The following SSPN variants were observed in gnomAD, a reference collection of about 807,000 sequenced individuals.
SSPN encodes the protein sarcospan.
In SSPN, 15 loss-of-function variants were observed where a neutral mutation model predicts 19.1. The ratio of observed to expected loss-of-function variants is 0.78; its 90% CI spans 0.52 to 1.21. The LOEUF (loss-of-function observed/expected upper bound fraction) is 1.21. Among genes scored for constraint, SSPN ranks in the 50% most tolerant of loss-of-function variants. The pLI, the probability that SSPN is intolerant of heterozygous loss-of-function variation, is 0.00. For synonymous variants in SSPN, 147 were observed against 140.3 expected, an observed-to-expected ratio of 1.05 and a Z score of -0.34; for missense variants, 291 against 314.0, an observed-to-expected ratio of 0.93 and a Z score of 0.55.
At chr12:26,209,382 A>T (rs1591883060) in intron 1 of SSPN, among the ~76,000 whole-genome samples, 2 of 152,184 alleles carry the variant, frequency 1.3e-5, no homozygotes, top group South Asian at 4.1e-4. Flanking sequence ...TCAATTTTAA[A>T]ATTAAGTTTG....
intron 1 of SSPN, among the ~76,000 whole-genome samples, chr12:26,215,470 T>A (rs1945037844): frequency 6.6e-6 from 1 of 152,202 alleles, no homozygotes; most frequent in African/African-American, 2.4e-5. Context: ...AGAAGCATGC[T>A]GGAGCATTGC....
intron 1 of SSPN, chr12:26,124,998 C>A: frequency 1.6e-6 from 1 of 635,434 alleles, no homozygotes; most frequent in Non-Finnish European, 2.9e-6. Context: ...GCGCCGGCCC[C>A]ACTGCGCTGG....
chr12:26,215,313 A>G (rs1001228232), intron 1 of SSPN, among the ~76,000 whole-genome samples: 1 of 152,210 alleles, frequency 6.6e-6, no homozygotes, highest in Admixed American at 6.5e-5. Flanking sequence ...CTGTATCTTT[A>G]TACAGATTCT....
At chr12:26,122,760 C>G (rs747145811) in intron 1 of SSPN, 1 of 1,593,666 alleles carries the variant, frequency 6.3e-7, no homozygotes, top group Non-Finnish European at 8.5e-7. Context: ...GCCTTTCTCG[C>G]GGTCCGGCCG....
chr12:26,198,165 T>G (rs1408838506), intron 1 of SSPN, among the ~76,000 whole-genome samples: 1 of 147,100 alleles, frequency 6.8e-6, no homozygotes, highest in East Asian at 2.0e-4. Context: ...ACTTTGAGTT[T>G]TGGGGGGGGG....
intron 1 of SSPN, among the ~76,000 whole-genome samples, chr12:26,165,820 G>A (rs774994323): frequency 2.6e-5 from 4 of 152,218 alleles, no homozygotes; most frequent in Non-Finnish European, 4.4e-5. Context: ...GAAGGTGGCA[G>A]CTGGCCAGTT....
intron 1 of SSPN, among the ~76,000 whole-genome samples, chr12:26,139,876 C>T (rs1005992654): frequency 6.6e-6 from 1 of 152,152 alleles, no homozygotes; most frequent in African/African-American, 2.4e-5. Flanking sequence ...TCAGCAATTT[C>T]TGAAGCGGAC....
rs953547520 is a variant in SSPN, at chr12:26,231,415, T to G, written c.*339T>G. 8.7e-5 allele frequency: 18 copies of G among 206,930 alleles called. No homozygotes were observed. The South Asian group carries it at 1.6e-3, about 19-fold the overall frequency. 12.8% of individuals were successfully genotyped at this position (206,930 alleles called of 1,614,324 possible). ...CCATTCCTTACATAATCTTCTTTCC[T>G]GTTAGTCCAGTTTGATGGTGTGAAT... is the stretch of plus-strand genomic sequence containing the variant. On this transcript the variant is annotated 3_prime_UTR_variant, in exon 3 of 3. Coordinates refer to ENST00000242729, the MANE Select transcript of SSPN (RefSeq NM_005086.5).
chr12:26,228,805 A>G (rs1230694804), intron 2 of SSPN, among the ~76,000 whole-genome samples: 2 of 152,300 alleles, frequency 1.3e-5, no homozygotes, highest in South Asian at 2.1e-4. Context: ...AAATAAATCC[A>G]TATTTTTAGG....
chr12:26,199,081 G>C (rs761285925), intron 1 of SSPN, among the ~76,000 whole-genome samples: 4 of 152,136 alleles, frequency 2.6e-5, no homozygotes, highest in Non-Finnish European at 5.9e-5. Flanking sequence ...TCATTTTACA[G>C]GGGCCACTAT....
intron 2 of SSPN, among the ~76,000 whole-genome samples, chr12:26,227,027 T>G (rs1945185098): frequency 6.6e-6 from 1 of 152,086 alleles, no homozygotes; most frequent in Admixed American, 6.5e-5. Flanking sequence ...GCCGGGCTGA[T>G]GGGCTGACAC....
Position 26,224,781 on chromosome 12 carries a change from G to A in SSPN, c.366+402G>A, listed in dbSNP as rs182400165. Among the ~76,000 whole-genome samples the A allele has an allele frequency of 1.5e-4, 22 of 143,404 alleles. No homozygotes were observed. In the East Asian group the frequency reaches 4.7e-3, roughly 31 times the overall value. 94.1% of individuals were successfully genotyped at this position (143,404 alleles called of 152,430 possible). On this transcript the variant is annotated intron_variant, in intron 2 of 2. Coordinates refer to ENST00000242729, the MANE Select transcript of SSPN (RefSeq NM_005086.5). ...TTCCTCTTGTAGGTGGGATCACTGA[G>A]ACAGAAAAAGTACATTGGGCGCATC...
chr12:26,123,822 G>A (rs544027075), intron 1 of SSPN: 2 of 907,888 alleles, frequency 2.2e-6, no homozygotes, highest in Admixed American at 3.4e-5. Flanking sequence ...ATTCAGCACA[G>A]CAATTTAAGC....
At chr12:26,170,032 C>T (rs142490704) in intron 1 of SSPN, among the ~76,000 whole-genome samples, 3 of 152,036 alleles carry the variant, frequency 2.0e-5, no homozygotes, top group African/African-American at 7.3e-5. Flanking sequence ...TTCTGAGCAC[C>T]AAGGATTCAA....
chr12:26,231,373 CTGT>C lies in SSPN; in HGVS notation c.*299_*301del. On this transcript the variant is annotated 3_prime_UTR_variant, in exon 3 of 3. Transcript: ENST00000242729. ...TATCTTTACAGTCTGGAGTTAATTC[CTGT>C]TAACTCATTTTATCCATTCCTTACA... 3.7e-6 allele frequency: 1 copy of C among 266,970 alleles called. No individual in the cohort carries two copies. Among genetic ancestry groups the C allele is most frequent in the South Asian group, 6.8e-5 (1 of 14,778 alleles). 16.5% of individuals were successfully genotyped at this position (266,970 alleles called of 1,614,324 possible).
intron 1 of SSPN, among the ~76,000 whole-genome samples, chr12:26,143,291 G>C (rs539975200): frequency 6.6e-6 from 1 of 152,334 alleles, no homozygotes; most frequent in South Asian, 2.1e-4. Context: ...ATAAGCTCCT[G>C]TGTAATCATA....
At chr12:26,122,300 AGCGGCG>A in intron 1 of SSPN, 2 of 1,164,984 alleles carry the variant, frequency 1.7e-6, no homozygotes, top group Non-Finnish European at 2.1e-6. Context: ...CGGCGGCGGC[AGCGGCG>A]GCGGCGGCTG....
chr12:26,172,638 C>G (rs188494686), intron 1 of SSPN, among the ~76,000 whole-genome samples: 1 of 152,190 alleles, frequency 6.6e-6, no homozygotes, highest in South Asian at 2.1e-4. Context: ...TCTCTATTGG[C>G]TCTACGCCAA....
chr12:26,224,278 T>C lies in SSPN; in HGVS notation c.280-15T>C. ...TACCCTGATAACATCCTTTCTTCTG[T>C]GTTCTCCCTTGCAGGTCTGCTTAGT... On this transcript the variant is annotated splice_polypyrimidine_tract_variant and intron_variant, in intron 1 of 2. Transcript: ENST00000242729. The C allele has an allele frequency of 6.3e-7, 1 of 1,598,660 alleles. No individual in the cohort carries two copies. The highest frequency in any genetic ancestry group is 1.7e-5 in the Admixed American group (1 of 60,000).
Sources: gnomAD v4.1 joint callset for allele counts (sites outside exome capture counted in the v4.1 genomes callset) on GRCh38, gnomAD v4.1.1 for gene constraint, MANE v1.5 for transcripts, NCBI Gene and HGNC (gene_info 2026-07-23, HGNC 2026-07-21) for gene names.